CLDN18: variants seen among roughly 807,000 people sequenced by gnomAD.
CLDN18 encodes the protein claudin-18.
Under a neutral mutation model 25.0 loss-of-function variants are expected in CLDN18, and 20 were observed. The ratio of observed to expected loss-of-function variants is 0.80; its 90% CI spans 0.56 to 1.16. CLDN18 has a LOEUF of 1.16. CLDN18 is among the 50% of genes most tolerant of loss of function. CLDN18 has a pLI of 0.00. For missense variants in CLDN18, 297 were observed against 345.4 expected, an observed-to-expected ratio of 0.86 and a Z score of 1.11; for synonymous variants, 125 against 135.6, an observed-to-expected ratio of 0.92 and a Z score of 0.54.
At chr3:138,010,593 T>C in intron 1 of CLDN18, 148 bp downstream of exon 1, 2 of 1,037,260 alleles carry the variant, frequency 1.9e-6, no homozygotes, top group South Asian at 3.2e-5. Flanking sequence ...AGAAGCTGGC[T>C]CGTGTCTAAT....
At chr3:138,012,896 G>C (rs1165659943) in intron 1 of CLDN18, among the ~76,000 whole-genome samples, 1 of 152,144 alleles carries the variant, frequency 6.6e-6, no homozygotes, top group African/African-American at 2.4e-5. Context: ...AGTCAGGAGG[G>C]GAGGAAATCA....
intron 3 of CLDN18, among the ~76,000 whole-genome samples, chr3:138,029,271 G>A (rs1323473708): frequency 2.6e-5 from 4 of 152,036 alleles, no homozygotes; most frequent in Admixed American, 2.0e-4. Context: ...TTAGCCTCCT[G>A]AGTAGCTGGG....
At chr3:138,021,468 A>G (rs1260866452) in intron 1 of CLDN18, among the ~76,000 whole-genome samples, 1 of 152,128 alleles carries the variant, frequency 6.6e-6, no homozygotes, top group Non-Finnish European at 1.5e-5. Flanking sequence ...TAACAGGAGG[A>G]GCCTCATTAG....
intron 3 of CLDN18, among the ~76,000 whole-genome samples, chr3:138,027,135 A>G (rs183704259): frequency 7.7e-4 from 117 of 152,318 alleles, no homozygotes; most frequent in Admixed American, 1.4e-3. Context: ...AGCTTTGTGT[A>G]AAAAATCAGA....
intron 1 of CLDN18, among the ~76,000 whole-genome samples, chr3:138,011,058 A>G (rs1329328802): frequency 6.6e-6 from 1 of 152,200 alleles, no homozygotes; most frequent in Non-Finnish European, 1.5e-5. Flanking sequence ...GAATATAAAT[A>G]TAATTATAAA....
intron 4 of CLDN18, among the ~76,000 whole-genome samples, chr3:138,030,769 A>AGAACTT (rs1480386216): frequency 6.6e-6 from 1 of 152,234 alleles, no homozygotes; most frequent in Non-Finnish European, 1.5e-5. Context: ...AAACAGTGCA[A>AGAACTT]GAACTTCTGT....
At chr3:138,006,612 G>A (rs1453652259), upstream of CLDN18, among the ~76,000 whole-genome samples, 1 of 152,166 alleles carries the variant, frequency 6.6e-6, no homozygotes, top group Admixed American at 6.5e-5. Context: ...TGCCATAAAT[G>A]AGAAAGTCAT....
At chr3:138,003,634 A>G (rs780105853) in intron 1 of CLDN18, among the ~76,000 whole-genome samples, 23 of 152,204 alleles carry the variant, frequency 1.5e-4, no homozygotes, top group Admixed American at 1.0e-3. Flanking sequence ...CAAATTGTTT[A>G]AAGATTTCGT....
At chr3:138,002,809 T>C (rs1240983107) in intron 1 of CLDN18, among the ~76,000 whole-genome samples, 1 of 152,170 alleles carries the variant, frequency 6.6e-6, no homozygotes, top group Non-Finnish European at 1.5e-5. Context: ...GTCAACCTTT[T>C]CTGGGCTGAT....
chr3:138,003,919 C>A (rs908149371), intron 1 of CLDN18, among the ~76,000 whole-genome samples: 3 of 152,132 alleles, frequency 2.0e-5, no homozygotes, highest in Non-Finnish European at 4.4e-5. Context: ...CACCTATAAT[C>A]CCAGCACTTT....
chr3:138,030,619 G>C (rs1942380502), intron 4 of CLDN18, among the ~76,000 whole-genome samples: 1 of 152,192 alleles, frequency 6.6e-6, no homozygotes, highest in Non-Finnish European at 1.5e-5. Context: ...TGGTTCAGCT[G>C]TATTTTTATT....
At chr3:138,030,602 T>C (rs1942380347) in intron 4 of CLDN18, among the ~76,000 whole-genome samples, 1 of 152,222 alleles carries the variant, frequency 6.6e-6, no homozygotes, top group African/African-American at 2.4e-5. Context: ...CCCCTGGACA[T>C]TGTTTCTGGT....
At position 138,023,781 on chromosome 3, in the gene CLDN18, C is replaced by G; in HGVS notation, c.344C>G (p.Ala115Gly). The G allele has an allele frequency of 6.2e-7, 1 of 1,614,050 alleles. No individual in the cohort carries two copies. The highest frequency in any genetic ancestry group is 2.2e-5 in the East Asian group (1 of 44,884). The change falls in exon 2 of 5, where the codon GCC becomes GGC. Residue 115 changes from alanine to glycine, a missense_variant. By Grantham distance (60) the Ala-to-Gly change is moderately conservative. Transcript: ENST00000183605. Reference protein sequence around the residue: ...RIGSMEDSAKANMTLTSGIMF... With the variant: ...RIGSMEDSAKGNMTLTSGIMF... Reference sequence around the variant, plus strand: ...GGCAGCATGGAGGACTCTGCCAAAGCCAACATGACACTGACCTCCGGGATC... The same window carrying G: ...GGCAGCATGGAGGACTCTGCCAAAGGCAACATGACACTGACCTCCGGGATC...
At position 138,024,696 on chromosome 3, in the gene CLDN18, G is replaced by T; in HGVS notation, c.475G>T (p.Gly159Cys). The T allele has an allele frequency of 6.2e-7, 1 of 1,611,244 alleles. No homozygotes were observed. Among genetic ancestry groups the T allele is most frequent in the East Asian group, 2.2e-5 (1 of 44,868 alleles). ...CACAGCTAACATGTACACCGGCATG[G>T]GTGGGATGGTGCAGACTGTTCAGAC... is the stretch of plus-strand genomic sequence containing the variant. ...MSTANMYTGM[G>C]GMVQTVQTRY... The change falls in exon 3 of 5, where the codon GGT becomes TGT. Residue 159 changes from glycine to cysteine, a missense_variant. Physicochemically the swap from Gly to Cys is radical, Grantham distance 159 (BLOSUM62 -3). Transcript: ENST00000183605.
At chr3:138,029,698 C>A in intron 3 of CLDN18, 99 bp from the exon 4 acceptor site, 1 of 703,078 alleles carries the variant, frequency 1.4e-6, no homozygotes, top group Non-Finnish European at 2.4e-6. Context: ...GATGTGGAAT[C>A]CAAAAGTGGG....
intron 1 of CLDN18, among the ~76,000 whole-genome samples, chr3:138,018,058 T>C (rs529285593): frequency 3.9e-5 from 6 of 152,216 alleles, no homozygotes; most frequent in Non-Finnish European, 8.8e-5. Flanking sequence ...CATCATTTCA[T>C]GGTGGGGAGA....
chr3:138,021,599 T>C (rs900231557), intron 1 of CLDN18, among the ~76,000 whole-genome samples: 10 of 152,228 alleles, frequency 6.6e-5, no homozygotes, highest in African/African-American at 2.2e-4. Context: ...GTTTATGGTT[T>C]TCTATACATC....
chr3:138,003,566 G>A (rs1942039914), intron 1 of CLDN18, among the ~76,000 whole-genome samples: 2 of 152,098 alleles, frequency 1.3e-5, no homozygotes, highest in African/African-American at 2.4e-5. Flanking sequence ...TACGTTAAAC[G>A]CTTAAGAATA....
chr3:138,016,156 T>C (rs527374276), intron 1 of CLDN18, among the ~76,000 whole-genome samples: 54 of 152,328 alleles, frequency 3.5e-4, no homozygotes, highest in African/African-American at 1.3e-3. Flanking sequence ...AGCTTTAGGT[T>C]TAAAAAGTTG....
Sources: gnomAD v4.1 joint callset for allele counts (sites outside exome capture counted in the v4.1 genomes callset) on GRCh38, gnomAD v4.1.1 for gene constraint, MANE v1.5 for transcripts, NCBI Gene and HGNC (gene_info 2026-07-23, HGNC 2026-07-21) for gene names.